MROH9: variants seen among roughly 807,000 people sequenced by gnomAD.
The protein encoded by MROH9 is maestro heat-like repeat-containing protein family member 9.
MROH9 carries 92 observed loss-of-function variants against 98.2 expected under a neutral mutation model. The observed-to-expected ratio is 0.94, with a 90% CI of 0.79 to 1.11. The LOEUF (loss-of-function observed/expected upper bound fraction) is 1.11, where lower values mean the gene tolerates loss of function less well. MROH9 is among the 50% of genes most tolerant of loss of function. The probability of loss-of-function intolerance (pLI) is 0.00; values close to 1 mark genes in which losing one functional copy is unlikely to be tolerated. For synonymous variants in MROH9, 397 were observed against 368.9 expected (o/e 1.08, Z -0.87); for missense variants, 1,057 against 1,014.8 (o/e 1.04, Z -0.57).
intron 16 of MROH9, chr1:171,015,115 C>A (rs1339558197): frequency 2.1e-6 from 1 of 467,150 alleles, no homozygotes; most frequent in Non-Finnish European, 4.4e-6. Flanking sequence ...TTTTATAATA[C>A]ATCCAATAAT....
At chr1:170,937,714 G>A (rs1014628260) in intron 1 of MROH9, among the ~76,000 whole-genome samples, 2 of 151,580 alleles carry the variant, frequency 1.3e-5, no homozygotes, top group South Asian at 2.1e-4. Flanking sequence ...TAGTAGAGAC[G>A]GGGTTTCACC....
intron 1 of MROH9, among the ~76,000 whole-genome samples, chr1:170,937,895 G>T (rs1191867195): frequency 6.6e-6 from 1 of 152,120 alleles, no homozygotes; most frequent in Admixed American, 6.5e-5. Flanking sequence ...AAGCACCTCA[G>T]CTGCTTGTGG....
chr1:171,002,724 T>G, intron 15 of MROH9, among the ~76,000 whole-genome samples: 1 of 152,176 alleles, frequency 6.6e-6, no homozygotes. Context: ...CCGATGACAA[T>G]GTGCTTAGGT....
intron 20 of MROH9, among the ~76,000 whole-genome samples, chr1:171,037,000 C>T (rs548455215): frequency 6.6e-6 from 1 of 151,486 alleles, no homozygotes; most frequent in African/African-American, 2.4e-5. Context: ...GAAAAAATAG[C>T]GTTTATGAAA....
chr1:170,940,984 G>A (rs1649097345), intron 1 of MROH9, among the ~76,000 whole-genome samples: 1 of 152,254 alleles, frequency 6.6e-6, no homozygotes, highest in Non-Finnish European at 1.5e-5. Flanking sequence ...CCAGAACTGA[G>A]GAAATAACAT....
At position 170,947,101 on chromosome 1, in the gene MROH9, T is replaced by C. The variant is rs150873013; in HGVS notation, c.26-426T>C. Among the ~76,000 whole-genome samples, 1,027 of 152,146 alleles carry C rather than the reference T, an allele frequency of 6.8e-3. 11 individuals carry two copies. The highest frequency in any genetic ancestry group is 0.023 in the African/African-American group (963 of 41,552). The stretch of plus-strand genomic sequence containing the variant: ...TAATCACACTTGGTACTGACTTTTT[T>C]ATCTATCACATTAAGACATGAACTA... On this transcript the variant is annotated intron_variant, in intron 2 of 21. Transcript: ENST00000367759.
intron 7 of MROH9, among the ~76,000 whole-genome samples, chr1:170,970,322 G>A (rs892770686): frequency 1.3e-5 from 2 of 151,970 alleles, no homozygotes; most frequent in African/African-American, 4.8e-5. Context: ...CCAGTAGAGA[G>A]AGAAAACTTG....
At chr1:170,945,489 T>C (rs1236062095) in intron 1 of MROH9, 31 bp from the exon 2 acceptor site, 3 of 1,537,248 alleles carry the variant, frequency 2.0e-6, no homozygotes, top group East Asian at 2.3e-5. Context: ...AAGTTTCTGG[T>C]TTATGTACTA....
chr1:171,006,208 G>A (rs903893446), intron 15 of MROH9, among the ~76,000 whole-genome samples: 1 of 149,082 alleles, frequency 6.7e-6, no homozygotes. Flanking sequence ...AGTATTCTTG[G>A]TTGTCAGGTT....
chr1:171,010,644 T>G (rs28736866), intron 15 of MROH9, among the ~76,000 whole-genome samples: 21,596 of 152,142 alleles, frequency 0.14, 1,709 homozygotes, highest in African/African-American at 0.21. Context: ...GTGTGAGATG[T>G]TATCTCACTG....
chr1:171,016,489 CTTTT>C (rs563443751), intron 17 of MROH9, among the ~76,000 whole-genome samples, 153 bp downstream of exon 17: 2 of 145,598 alleles, frequency 1.4e-5, no homozygotes, highest in African/African-American at 5.0e-5. Flanking sequence ...AAGTACTGGT[CTTTT>C]TTTTTTTTAA....
intron 4 of MROH9, 34 bp from the exon 5 acceptor site, chr1:170,959,428 C>A (rs778788038): frequency 3.2e-6 from 5 of 1,542,768 alleles, no homozygotes; most frequent in Non-Finnish European, 4.4e-6. Context: ...TATTTGTTTT[C>A]TCATCATTAA....
Position 170,995,397 on chromosome 1 carries a change from G to C in MROH9, c.1203G>C (p.Gln401His). The change falls in exon 13 of 22, where the codon CAG becomes CAC. Residue 401 changes from glutamine to histidine, a missense_variant. By Grantham distance (24) the Gln-to-His change is conservative (BLOSUM62 0). Coordinates refer to ENST00000367759, the MANE Select transcript of MROH9 (RefSeq NM_001163629.2). ...ATTTCCTTCCCTTATAGGCATGCCA[G>C]GCCCTGTGCACCTTTCTGCCTCTTG... is the stretch of plus-strand genomic sequence containing the variant. ...ITNLMPLAAC[Q>H]ALCTFLPLGS... is the part of the protein sequence containing the mutation. The C allele has an allele frequency of 6.2e-7, 1 of 1,613,292 alleles. No homozygotes were observed. The highest frequency in any genetic ancestry group is 8.5e-7 in the Non-Finnish European group (1 of 1,179,478).
chr1:171,024,495 GCTT>G lies in MROH9; in HGVS notation c.2010_2012del (p.Leu671del). 6.5e-7 allele frequency: 1 copy of G among 1,547,052 alleles called. No individual in the cohort carries two copies. The highest frequency in any genetic ancestry group is 1.2e-5 in the South Asian group (1 of 82,844). ...ATGGTGAATGATGTGGTTCTAGAAGGCTTGGTGCCCCTAATCCTATTTTTGGAG... is the reference window on the plus strand; with the variant it reads ...ATGGTGAATGATGTGGTTCTAGAAGGGGTGCCCCTAATCCTATTTTTGGAG... On this transcript the variant is annotated inframe_deletion, in exon 18 of 22. Transcript: ENST00000367759.
In MROH9 at chr1:171,062,363, G is replaced by A. The variant is rs1017671086; in HGVS notation, c.2344+169G>A. On this transcript the variant is annotated intron_variant, in intron 21 of 21. Transcript: ENST00000367759. ...AGAATCAATGAAAGGACTGGGTTAAGAGGTTTGTTTTTTCTCTTTCTATTC... is the reference window on the plus strand; with the variant it reads ...AGAATCAATGAAAGGACTGGGTTAAAAGGTTTGTTTTTTCTCTTTCTATTC... 5.3e-5 allele frequency among the ~76,000 whole-genome samples: 8 copies of A among 152,256 alleles called. No individual in the cohort carries two copies. The East Asian group carries it at 1.2e-3, about 22-fold the overall frequency.
intron 1 of MROH9, among the ~76,000 whole-genome samples, chr1:170,936,913 G>T (rs1198448683): frequency 6.6e-6 from 1 of 152,140 alleles, no homozygotes; most frequent in Non-Finnish European, 1.5e-5. Flanking sequence ...GAGAAACAAA[G>T]ACAGTTATTC....
Position 170,979,594 on chromosome 1 carries a change from G to A in MROH9, c.617-3828G>A, listed in dbSNP as rs142308583. Among the ~76,000 whole-genome samples the A allele has an allele frequency of 4.1e-3, 617 of 152,224 alleles. 1 individual carries two copies. Among genetic ancestry groups the A allele is most frequent in the Non-Finnish European group, 6.9e-3 (467 of 68,008 alleles). On this transcript the variant is annotated intron_variant, in intron 8 of 21. Transcript: ENST00000367759. ...ACTCAAAGAAATTTTGGGGGCCTTG[G>A]ATTAGGCAAAGATTTCTTAGATACA... is the stretch of plus-strand genomic sequence containing the variant.
Position 171,064,373 on chromosome 1 carries a change from A to G in MROH9, c.*33A>G. ...TGATGATGACATTCATCATTCATAA[A>G]CAATGGGAAGTCCAACAATGTCTTG... On this transcript the variant is annotated 3_prime_UTR_variant, in exon 22 of 22. Coordinates refer to ENST00000367759, the MANE Select transcript of MROH9 (RefSeq NM_001163629.2). 1 of 1,496,268 alleles carries G rather than the reference A, an allele frequency of 6.7e-7. No homozygotes were observed. The highest frequency in any genetic ancestry group is 8.9e-7 in the Non-Finnish European group (1 of 1,126,472). The allele number at this position is 1,496,268 out of a possible 1,614,324, so 92.7% of individuals were successfully genotyped here. A position where few individuals can be genotyped will look rare whatever the true frequency, so the allele number is the denominator to read the frequency against.
chr1:170,936,776 T>A (rs111826689), intron 1 of MROH9, among the ~76,000 whole-genome samples: 4,279 of 152,044 alleles, frequency 0.028, 201 homozygotes, highest in African/African-American at 0.094. Flanking sequence ...AGAAGGATAT[T>A]TATTATTTAG....
Sources: gnomAD v4.1 joint callset for allele counts (sites outside exome capture counted in the v4.1 genomes callset) on GRCh38, gnomAD v4.1.1 for gene constraint, MANE v1.5 for transcripts, NCBI Gene and HGNC (gene_info 2026-07-23, HGNC 2026-07-21) for gene names.